The following FRMD4A variants were observed in gnomAD, a reference collection of about 807,000 sequenced individuals.
FRMD4A encodes the protein FERM domain-containing protein 4A.
FRMD4A carries 29 observed loss-of-function variants against 129.1 expected under a neutral mutation model. The ratio of observed to expected loss-of-function variants is 0.22; its 90% confidence interval spans 0.17 to 0.31. The LOEUF is 0.31. Ranked by LOEUF, FRMD4A falls within the 10% of genes least tolerant of loss-of-function variation. The probability of loss-of-function intolerance (pLI) is 1.00; values close to 1 mark genes in which losing one functional copy is unlikely to be tolerated. For missense variants in FRMD4A, 1,272 were observed against 1,375.8 expected (o/e 0.92, Z 1.19); for synonymous variants, 634 against 571.6 (o/e 1.11, Z -1.56).
At chr10:14,289,083 G>A (rs1264431834) in intron 2 of FRMD4A, among the ~76,000 whole-genome samples, 1 of 152,136 alleles carries the variant, frequency 6.6e-6, no homozygotes, top group East Asian at 1.9e-4. Flanking sequence ...GAACATAAGA[G>A]TGCCTATGTC....
chr10:13,666,498 C>A (rs1461507290), intron 17 of FRMD4A, among the ~76,000 whole-genome samples, 173 bp from the exon 18 acceptor site: 1 of 152,198 alleles, frequency 6.6e-6, no homozygotes, highest in East Asian at 1.9e-4. Context: ...ACTGTTGTAA[C>A]CCTTGCTCCT....
chr10:13,875,561 G>A (rs1160108447), intron 2 of FRMD4A, among the ~76,000 whole-genome samples: 5 of 152,162 alleles, frequency 3.3e-5, no homozygotes, highest in African/African-American at 4.8e-5. Context: ...GCCCAGCATC[G>A]GAATAAGGGA....
rs117722047 is a variant in FRMD4A, at chr10:14,009,556, G to C, written c.46-150644C>G. On this transcript the variant is annotated intron_variant, in intron 2 of 24. Coordinates refer to ENST00000357447, the MANE Select transcript of FRMD4A (RefSeq NM_018027.5). ...TCAAACACACCTAATAGGAAATGGG[G>C]GTGGGGTGCGAAGGAAAGAAGCAGA... Among the ~76,000 whole-genome samples the C allele has an allele frequency of 3.2e-4, 49 of 152,314 alleles. 1 individual carries two copies. The East Asian group carries it at 8.9e-3, about 28-fold the overall frequency.
chr10:13,837,493 A>T (rs1428572126), intron 3 of FRMD4A, among the ~76,000 whole-genome samples: 2 of 152,236 alleles, frequency 1.3e-5, no homozygotes, highest in Non-Finnish European at 2.9e-5. Flanking sequence ...CACAGATCAG[A>T]AAGCTGGCAG....
intron 2 of FRMD4A, among the ~76,000 whole-genome samples, chr10:14,227,243 C>CTTT (rs10674411): frequency 0.36 from 23,106 of 63,994 alleles, 8,041 homozygotes; most frequent in East Asian, 0.5. Context: ...TCTTCTTCTT[C>CTTT]TTTTTTTTTT....
rs968684876 is a variant in FRMD4A at position 13,666,044 on chromosome 10, T to C, written c.1603+53A>G. On this transcript the variant is annotated intron_variant, in intron 18 of 24. Coordinates refer to ENST00000357447, the MANE Select transcript of FRMD4A (RefSeq NM_018027.5). ...ACCACTCGTGGGACCTGGCGTCTGG[T>C]TGCCGGGGCCCGGGCGTGGGAGTGG... The C allele has an allele frequency of 7.4e-6, 8 of 1,088,196 alleles. No homozygotes were observed. In the African/African-American group the frequency reaches 9.3e-5, roughly 13 times the overall value. The allele number at this position is 1,088,196 out of a possible 1,614,324, so 67.4% of individuals were successfully genotyped here. A position where few individuals can be genotyped will look rare whatever the true frequency, so the allele number is the denominator to read the frequency against.
At chr10:14,145,106 G>C (rs1840011938) in intron 2 of FRMD4A, among the ~76,000 whole-genome samples, 1 of 152,164 alleles carries the variant, frequency 6.6e-6, no homozygotes, top group Admixed American at 6.5e-5. Context: ...CATAGAAACA[G>C]AATGGCAGAA....
chr10:13,670,655 G>T (rs927496737), intron 16 of FRMD4A, 127 bp from the exon 17 acceptor site: 2 of 800,734 alleles, frequency 2.5e-6, no homozygotes, highest in Non-Finnish European at 4.0e-6. Flanking sequence ...ACAGGTCAAC[G>T]CTTATGCTAG....
intron 2 of FRMD4A, among the ~76,000 whole-genome samples, chr10:14,053,602 A>G (rs376248443): frequency 4.6e-5 from 7 of 152,218 alleles, no homozygotes; most frequent in African/African-American, 1.4e-4. Flanking sequence ...TTTACTTTCC[A>G]GGAGAACGTG....
intron 3 of FRMD4A, among the ~76,000 whole-genome samples, chr10:13,844,707 A>T (rs2094017776): frequency 6.6e-6 from 1 of 152,222 alleles, no homozygotes; most frequent in Non-Finnish European, 1.5e-5. Flanking sequence ...CATTTCCTGG[A>T]GAATGTGTTT....
chr10:13,997,117 C>T (rs1486779941), intron 2 of FRMD4A, among the ~76,000 whole-genome samples: 2 of 152,172 alleles, frequency 1.3e-5, no homozygotes, highest in East Asian at 1.9e-4. Context: ...ATAGATGATA[C>T]TGAAATTGGT....
chr10:13,701,508 C>A (rs780523590), intron 13 of FRMD4A, 30 bp from the exon 14 acceptor site: 2 of 1,601,468 alleles, frequency 1.2e-6, no homozygotes, highest in Non-Finnish European at 1.7e-6. Flanking sequence ...AAGGTTCAAT[C>A]CCATTTCTGT....
At chr10:14,043,551 CTGTCTGGAAACT>C (rs1396076922) in intron 2 of FRMD4A, among the ~76,000 whole-genome samples, 2 of 152,148 alleles carry the variant, frequency 1.3e-5, no homozygotes, top group Non-Finnish European at 2.9e-5. Flanking sequence ...TGTCCTCTCA[CTGTCTGGAAACT>C]TGTCCACTCT....
At chr10:14,218,664 C>T (rs1220562201) in intron 2 of FRMD4A, among the ~76,000 whole-genome samples, 3 of 152,078 alleles carry the variant, frequency 2.0e-5, no homozygotes, top group Non-Finnish European at 4.4e-5. Context: ...GACCAGGTCC[C>T]TCCCACATGT....
intron 2 of FRMD4A, among the ~76,000 whole-genome samples, chr10:14,048,996 G>A (rs150048793): frequency 0.015 from 2,357 of 152,304 alleles, 36 homozygotes; most frequent in Non-Finnish European, 0.024. Flanking sequence ...AGCACAAAAA[G>A]CAGGATGCTT....
chr10:13,753,848 C>T (rs778987888), intron 8 of FRMD4A, among the ~76,000 whole-genome samples: 4 of 152,052 alleles, frequency 2.6e-5, no homozygotes, highest in Admixed American at 6.6e-5. Context: ...TCTGGCAGTG[C>T]CTTTATTTCT....
chr10:14,201,844 G>T (rs527830576), intron 2 of FRMD4A, among the ~76,000 whole-genome samples: 1 of 152,272 alleles, frequency 6.6e-6, no homozygotes, highest in Non-Finnish European at 1.5e-5. Flanking sequence ...TAAAATTCAC[G>T]TGGAGGCTGG....
At chr10:13,778,185 C>T (rs982285715) in intron 6 of FRMD4A, among the ~76,000 whole-genome samples, 1 of 152,094 alleles carries the variant, frequency 6.6e-6, no homozygotes, top group Non-Finnish European at 1.5e-5. Context: ...CTGGTGGAGA[C>T]TGCTCACCTT....
intron 2 of FRMD4A, among the ~76,000 whole-genome samples, chr10:13,907,814 A>G (rs1288481426): frequency 5.9e-5 from 9 of 151,758 alleles, no homozygotes; most frequent in Admixed American, 2.0e-4. Flanking sequence ...AGTTCCTCAT[A>G]ATACAAAAGT....
Sources: allele counts gnomAD v4.1 joint callset (sites outside exome capture counted in the v4.1 genomes callset), GRCh38; gene constraint gnomAD v4.1.1; transcripts MANE v1.5; gene names NCBI Gene and HGNC (gene_info 2026-07-23, HGNC 2026-07-21).